Variants in ZFHX3 observed in about 807,000 individuals in gnomAD.
The protein encoded by ZFHX3 is zinc finger homeobox protein 3.
Under a neutral mutation model 279.1 loss-of-function variants are expected in ZFHX3, and 42 were observed. The observed-to-expected ratio is 0.15, with a 90% CI of 0.12 to 0.19. The LOEUF is 0.19. ZFHX3 is among the 10% of genes least tolerant of loss of function. ZFHX3 has a pLI of 1.00. For synonymous variants in ZFHX3, 2,293 were observed against 1,957.8 expected (o/e 1.17, Z -4.52); for missense variants, 4,981 against 4,754.0 (o/e 1.05, Z -1.40).
intron 3 of ZFHX3, among the ~76,000 whole-genome samples, chr16:73,336,707 G>A (rs1179330228): frequency 6.6e-6 from 1 of 152,092 alleles, no homozygotes; most frequent in Non-Finnish European, 1.5e-5. Flanking sequence ...ACGTGCACAT[G>A]TGTCTTTAGG....
chr16:73,590,583 C>A (rs1286200050), intron 2 of ZFHX3, among the ~76,000 whole-genome samples: 1 of 152,086 alleles, frequency 6.6e-6, no homozygotes, highest in Non-Finnish European at 1.5e-5. Context: ...ATGACACTAG[C>A]CATCATTAGA....
chr16:72,968,955 C>T (rs950219943), intron 1 of ZFHX3, among the ~76,000 whole-genome samples: 1 of 152,018 alleles, frequency 6.6e-6, no homozygotes, highest in Non-Finnish European at 1.5e-5. Context: ...CACATATATA[C>T]ACACATATAT....
chr16:73,560,140 T>C (rs1361499714), intron 2 of ZFHX3, among the ~76,000 whole-genome samples: 3 of 152,244 alleles, frequency 2.0e-5, no homozygotes, highest in Non-Finnish European at 4.4e-5. Context: ...TTCCATTGAC[T>C]GGTTTTTGCA....
chr16:72,979,177 T>C (rs538459448), intron 1 of ZFHX3, among the ~76,000 whole-genome samples: 28 of 152,350 alleles, frequency 1.8e-4, no homozygotes, highest in African/African-American at 6.3e-4. Context: ...AGATTGTGAC[T>C]AATCCACCTC....
intron 2 of ZFHX3, among the ~76,000 whole-genome samples, chr16:73,633,502 T>A (rs1351853452): frequency 6.6e-6 from 1 of 152,194 alleles, no homozygotes; most frequent in Non-Finnish European, 1.5e-5. Context: ...GAGGGGGCAA[T>A]GATCAGGACT....
At chr16:73,138,558 A>G (rs188147501) in intron 6 of ZFHX3, among the ~76,000 whole-genome samples, 4 of 152,282 alleles carry the variant, frequency 2.6e-5, no homozygotes, top group Admixed American at 2.0e-4. Context: ...CCCCAGGGAT[A>G]TAAAAATTCC....
chr16:73,070,875 T>C (rs973543818), intron 8 of ZFHX3, among the ~76,000 whole-genome samples: 1 of 151,048 alleles, frequency 6.6e-6, no homozygotes. Flanking sequence ...CACTTTCCTT[T>C]GTTTTCTTTT....
intron 2 of ZFHX3, among the ~76,000 whole-genome samples, chr16:73,644,166 G>T (rs139026468): frequency 1.2e-3 from 178 of 151,946 alleles, no homozygotes; most frequent in African/African-American, 4.2e-3. Flanking sequence ...CTTTCTCTCC[G>T]GTTTATACCC....
chr16:73,718,211 G>A (rs1410021073), intron 1 of ZFHX3, among the ~76,000 whole-genome samples: 7 of 152,122 alleles, frequency 4.6e-5, no homozygotes, highest in East Asian at 1.9e-4. Context: ...AGGAACTCGC[G>A]ACAAGCCTGG....
chr16:73,404,348 A>C (rs1393134617), intron 3 of ZFHX3, among the ~76,000 whole-genome samples: 11 of 152,230 alleles, frequency 7.2e-5, no homozygotes, highest in Non-Finnish European at 1.5e-5. Flanking sequence ...TAAAACCTGC[A>C]AGACATGAAA....
rs528433158 is a variant in ZFHX3 at position 73,349,069 on chromosome 16, C to G, written c.-1290-30733G>C. ...TTGGGGGCATCAATTAATAACAGAT[C>G]AAAACAGAACAGATTCCCAAGGAGT... On this transcript the variant is annotated intron_variant, in intron 3 of 17. Transcript: ENST00000641206. Among the ~76,000 whole-genome samples the G allele has an allele frequency of 3.3e-3, 501 of 152,276 alleles. 5 individuals are homozygous for G. Among genetic ancestry groups the G allele is most frequent in the South Asian group, 6.8e-3 (33 of 4,822 alleles).
chr16:72,901,391 T>A (rs1462826384), intron 3 of ZFHX3, among the ~76,000 whole-genome samples: 1 of 152,216 alleles, frequency 6.6e-6, no homozygotes, highest in Non-Finnish European at 1.5e-5. Context: ...TTCCTACTAT[T>A]TGCTGACAAA....
At chr16:72,969,543 T>A (rs1272086690) in intron 1 of ZFHX3, among the ~76,000 whole-genome samples, 1 of 148,676 alleles carries the variant, frequency 6.7e-6, no homozygotes, top group East Asian at 2.0e-4. Flanking sequence ...GCCCCCAGAG[T>A]GTGAGCATTG....
intron 2 of ZFHX3, among the ~76,000 whole-genome samples, chr16:73,638,035 G>A (rs2052543396): frequency 6.6e-6 from 1 of 152,106 alleles, no homozygotes; most frequent in Non-Finnish European, 1.5e-5. Flanking sequence ...TGTTAGGTAG[G>A]ATACAGGGAA....
chr16:73,578,152 C>T (rs986627556), intron 2 of ZFHX3, among the ~76,000 whole-genome samples: 30 of 152,116 alleles, frequency 2.0e-4, no homozygotes, highest in Admixed American at 2.0e-3. Flanking sequence ...ACACTCAAGC[C>T]GGTCTACCTG....
intron 2 of ZFHX3, among the ~76,000 whole-genome samples, chr16:73,584,758 G>C (rs1001991984): frequency 6.6e-6 from 1 of 152,142 alleles, no homozygotes; most frequent in African/African-American, 2.4e-5. Flanking sequence ...TTAAACTAGA[G>C]AGCTTCTGTA....
intron 3 of ZFHX3, among the ~76,000 whole-genome samples, chr16:73,329,454 T>C (rs776286563): frequency 6.6e-6 from 1 of 152,274 alleles, no homozygotes; most frequent in East Asian, 1.9e-4. Context: ...ATTGAATTCA[T>C]GTCCAGATGC....
Position 73,807,836 on chromosome 16 carries a change from T to G in ZFHX3, c.-1608+83815A>C, listed in dbSNP as rs149971571. ...CCCATTCACGCGGGACTCTAATGTC[T>G]TTTTTTTCCAACATACATTTTGGAC... On this transcript the variant is annotated intron_variant, in intron 1 of 17. Transcript: ENST00000641206. Among the ~76,000 whole-genome samples, 50 of 151,732 alleles carry G rather than the reference T, an allele frequency of 3.3e-4. No individual in the cohort carries two copies. In the East Asian group the frequency reaches 9.5e-3, roughly 29 times the overall value.
At chr16:73,380,647 A>T (rs1343287199) in intron 3 of ZFHX3, among the ~76,000 whole-genome samples, 3 of 152,218 alleles carry the variant, frequency 2.0e-5, no homozygotes, top group Non-Finnish European at 4.4e-5. Flanking sequence ...AATGGGAAAA[A>T]ATGACAAGAG....
Sources: allele counts gnomAD v4.1 joint callset (sites outside exome capture counted in the v4.1 genomes callset), GRCh38; gene constraint gnomAD v4.1.1; transcripts MANE v1.5; gene names NCBI Gene and HGNC (gene_info 2026-07-23, HGNC 2026-07-21).